LOXL2: variants seen among roughly 807,000 people sequenced by gnomAD.
The protein encoded by LOXL2 is lysyl oxidase like 2, also known as lysyl oxidase homolog 2.
Under a neutral mutation model 93.0 loss-of-function variants are expected in LOXL2, and 70 were observed. The observed-to-expected ratio is 0.75, with a 90% CI of 0.62 to 0.92. The LOEUF (loss-of-function observed/expected upper bound fraction) is 0.92, where lower values mean the gene tolerates loss of function less well. Ranked by LOEUF, LOXL2 falls within the 40% of genes least tolerant of loss-of-function variation. The pLI is 0.00. For missense variants in LOXL2, 973 were observed against 1,054.9 expected (o/e 0.92, Z 1.08); for synonymous variants, 438 against 413.2 (o/e 1.06, Z -0.73).
chr8:23,316,941 G>GCT lies in LOXL2; in HGVS notation c.1636+6_1636+7dup. ...AGCCCGGTGGGGAGGGAGGGGAGGA[G>GCT]CTCTCACTTTCTGAGCAGGCAACTC... On this transcript the variant is annotated splice_region_variant and intron_variant, in intron 9 of 13. Coordinates refer to ENST00000389131, the MANE Select transcript of LOXL2 (RefSeq NM_002318.3). 1 of 1,579,538 alleles carries GCT rather than the reference G, an allele frequency of 6.3e-7. No homozygotes were observed. The highest frequency in any genetic ancestry group is 8.6e-7 in the Non-Finnish European group (1 of 1,161,740).
In LOXL2 at chr8:23,340,981, AG is replaced by A; in HGVS notation, c.743+10del. The A allele has an allele frequency of 6.2e-7, 1 of 1,611,010 alleles. No homozygotes were observed. Among genetic ancestry groups the A allele is most frequent in the South Asian group, 1.1e-5 (1 of 91,004 alleles). ...ACCCTCAAAGCCACCCCTTTGGTGC[AG>A]TCCTCTTACTTGTACACTTTGGTAT... On this transcript the variant is annotated intron_variant, in intron 4 of 13. Transcript: ENST00000389131.
intron 3 of LOXL2, 120 bp from the exon 4 acceptor site, chr8:23,341,323 C>T: frequency 1.2e-6 from 1 of 806,216 alleles, no homozygotes; most frequent in Non-Finnish European, 2.1e-6. Flanking sequence ...TGCCTGTGCC[C>T]TCAGGCCCTG....
At chr8:23,346,158 A>AAT (rs1554479829) in intron 3 of LOXL2, among the ~76,000 whole-genome samples, 6 of 138,098 alleles carry the variant, frequency 4.3e-5, no homozygotes, top group African/African-American at 8.2e-5. Flanking sequence ...AAATAAAATA[A>AAT]AAAATAAAAT....
intron 5 of LOXL2, among the ~76,000 whole-genome samples, chr8:23,332,187 CACA>C (rs1563192692): frequency 2.0e-5 from 3 of 147,638 alleles, no homozygotes; most frequent in Non-Finnish European, 4.5e-5. Flanking sequence ...CACACACACA[CACA>C]CACCCCACAC....
chr8:23,373,014 A>G (rs1223730209), intron 1 of LOXL2, among the ~76,000 whole-genome samples: 1 of 152,266 alleles, frequency 6.6e-6, no homozygotes, highest in Non-Finnish European at 1.5e-5. Context: ...ATTATGCAGA[A>G]TATGTTGTTT....
chr8:23,395,312 C>T (rs1409848194), intron 1 of LOXL2, among the ~76,000 whole-genome samples: 2 of 121,832 alleles, frequency 1.6e-5, no homozygotes, highest in Non-Finnish European at 3.4e-5. Flanking sequence ...TGAAAAAAGC[C>T]AGACCAAAAA....
intron 1 of LOXL2, among the ~76,000 whole-genome samples, chr8:23,385,413 A>ATT (rs201661064): frequency 0.066 from 9,050 of 136,190 alleles, 396 homozygotes; most frequent in African/African-American, 0.11. Context: ...CACCCAGCTA[A>ATT]TTTTTTTTTT....
intron 8 of LOXL2, 81 bp from the exon 9 acceptor site, chr8:23,317,195 CA>C (rs1803416994): frequency 2.1e-6 from 3 of 1,437,392 alleles, no homozygotes; most frequent in Non-Finnish European, 2.9e-6. Flanking sequence ...TGCAGCCTCA[CA>C]AAAATCCCAA....
At chr8:23,318,135 T>C (rs916111130) in intron 8 of LOXL2, among the ~76,000 whole-genome samples, 3 of 151,068 alleles carry the variant, frequency 2.0e-5, no homozygotes, top group African/African-American at 7.3e-5. Flanking sequence ...CTCCATAATA[T>C]GGGCAATTCT....
chr8:23,320,663 T>G (rs991102984), intron 7 of LOXL2, among the ~76,000 whole-genome samples: 1 of 152,212 alleles, frequency 6.6e-6, no homozygotes, highest in African/African-American at 2.4e-5. Context: ...ATCCCAGCAC[T>G]TTGCGGGGCC....
At chr8:23,311,616 G>T (rs1803320516) in intron 9 of LOXL2, among the ~76,000 whole-genome samples, 1 of 152,178 alleles carries the variant, frequency 6.6e-6, no homozygotes, top group African/African-American at 2.4e-5. Context: ...CTCAACAGCT[G>T]CCATGGGTTG....
intron 4 of LOXL2, among the ~76,000 whole-genome samples, chr8:23,339,549 C>A (rs368200380): frequency 6.6e-6 from 1 of 152,334 alleles, no homozygotes; most frequent in East Asian, 1.9e-4. Context: ...GGCTTCCAAA[C>A]GCCATCTGAA....
chr8:23,349,011 C>A (rs906618492), intron 3 of LOXL2, among the ~76,000 whole-genome samples: 16 of 151,902 alleles, frequency 1.1e-4, no homozygotes, highest in African/African-American at 1.7e-4. Flanking sequence ...AACTCTTCCT[C>A]TTTTCATCGA....
intron 1 of LOXL2, among the ~76,000 whole-genome samples, chr8:23,387,024 TCA>T (rs1011732260): frequency 6.6e-6 from 1 of 152,126 alleles, no homozygotes; most frequent in Non-Finnish European, 1.5e-5. Context: ...CCTTAATTAT[TCA>T]CACAGTTGAG....
intron 1 of LOXL2, among the ~76,000 whole-genome samples, chr8:23,394,221 T>C (rs901879668): frequency 2.0e-5 from 3 of 151,890 alleles, no homozygotes; most frequent in Admixed American, 6.6e-5. Context: ...GGTGAAACCT[T>C]GTCTCTACTA....
chr8:23,355,173 G>A (rs1437567483), intron 3 of LOXL2, among the ~76,000 whole-genome samples: 1 of 151,646 alleles, frequency 6.6e-6, no homozygotes. Flanking sequence ...TCAAACTCCT[G>A]ACCTCACATG....
intron 1 of LOXL2, chr8:23,370,831 T>C (rs1804482444): frequency 6.6e-6 from 1 of 152,168 alleles, no homozygotes; most frequent in Non-Finnish European, 1.5e-5. Context: ...AGCTGCACTC[T>C]AGAAGCCAGG....
intron 1 of LOXL2, among the ~76,000 whole-genome samples, chr8:23,368,750 G>A (rs951595681): frequency 5.9e-5 from 9 of 152,066 alleles, no homozygotes; most frequent in African/African-American, 1.9e-4. Flanking sequence ...AACAAAGGCC[G>A]GTGTCACACC....
chr8:23,347,841 A>G (rs1804019680), intron 3 of LOXL2, among the ~76,000 whole-genome samples: 1 of 152,118 alleles, frequency 6.6e-6, no homozygotes, highest in Non-Finnish European at 1.5e-5. Context: ...GGCACCAGCG[A>G]TCCCATTACT....
Sources: allele counts gnomAD v4.1 joint callset (sites outside exome capture counted in the v4.1 genomes callset), GRCh38; gene constraint gnomAD v4.1.1; transcripts MANE v1.5; gene names NCBI Gene and HGNC (gene_info 2026-07-23, HGNC 2026-07-21).